CCSER1: variants seen among roughly 807,000 people sequenced by gnomAD.
The protein encoded by CCSER1 is coiled-coil serine rich protein 1.
A neutral mutation model predicts 82.0 loss-of-function variants in CCSER1; 41 were observed. The ratio of observed to expected loss-of-function variants is 0.50; its 90% confidence interval spans 0.39 to 0.65. The LOEUF (loss-of-function observed/expected upper bound fraction) is 0.65. Ranked by LOEUF, CCSER1 falls within the 30% of genes least tolerant of loss-of-function variation. CCSER1 has a pLI of 0.00. For synonymous variants in CCSER1, 414 were observed against 383.9 expected, an observed-to-expected ratio of 1.08 and a Z score of -0.92; for missense variants, 1,119 against 1,064.2, an observed-to-expected ratio of 1.05 and a Z score of -0.72.
intron 8 of CCSER1, among the ~76,000 whole-genome samples, chr4:90,847,936 A>T (rs1459561821): frequency 6.6e-6 from 1 of 152,146 alleles, no homozygotes; most frequent in Non-Finnish European, 1.5e-5. Context: ...TGATATATGT[A>T]AGCATACATA....
At chr4:91,394,108 A>G (rs1751823538) in intron 10 of CCSER1, among the ~76,000 whole-genome samples, 1 of 152,108 alleles carries the variant, frequency 6.6e-6, no homozygotes, top group Non-Finnish European at 1.5e-5. Context: ...TCCTAACCTC[A>G]GAAGCTAGAT....
At chr4:91,165,914 T>C (rs1732005443) in intron 10 of CCSER1, among the ~76,000 whole-genome samples, 1 of 152,230 alleles carries the variant, frequency 6.6e-6, no homozygotes, top group Admixed American at 6.5e-5. Flanking sequence ...TGCCCAGCTT[T>C]GGCTCACCCT....
At chr4:91,227,342 A>G (rs1280002503) in intron 10 of CCSER1, among the ~76,000 whole-genome samples, 4 of 151,912 alleles carry the variant, frequency 2.6e-5, no homozygotes, top group Non-Finnish European at 4.4e-5. Context: ...AAAATAGAGT[A>G]CAAAAATGAC....
chr4:91,438,893 G>C (rs1437236059), intron 10 of CCSER1, among the ~76,000 whole-genome samples: 1 of 152,082 alleles, frequency 6.6e-6, no homozygotes, highest in Non-Finnish European at 1.5e-5. Flanking sequence ...GATGGAAGAT[G>C]AAATGAACGA....
chr4:90,174,814 C>A (rs1452640228), intron 1 of CCSER1, among the ~76,000 whole-genome samples: 9 of 151,934 alleles, frequency 5.9e-5, no homozygotes, highest in Non-Finnish European at 1.3e-4. Flanking sequence ...CCACAAGTGG[C>A]AAACCTATTA....
At chr4:90,672,399 G>A (rs929606626) in intron 6 of CCSER1, among the ~76,000 whole-genome samples, 2 of 151,928 alleles carry the variant, frequency 1.3e-5, no homozygotes, top group African/African-American at 2.4e-5. Context: ...CTAGCTTCCA[G>A]TTTTTCTTCT....
chr4:90,617,177 C>T (rs767731714), intron 5 of CCSER1, among the ~76,000 whole-genome samples: 5 of 151,860 alleles, frequency 3.3e-5, no homozygotes, highest in African/African-American at 9.7e-5. Flanking sequence ...CAACGTAGTA[C>T]GATTATTTGG....
intron 10 of CCSER1, among the ~76,000 whole-genome samples, chr4:91,146,443 G>A (rs559723431): frequency 1.3e-5 from 2 of 152,224 alleles, no homozygotes; most frequent in East Asian, 3.9e-4. Flanking sequence ...TTTCAATCTG[G>A]TTAGGATCCA....
intron 10 of CCSER1, among the ~76,000 whole-genome samples, chr4:91,119,084 G>A (rs1726872158): frequency 6.6e-6 from 1 of 151,422 alleles, no homozygotes; most frequent in Non-Finnish European, 1.5e-5. Flanking sequence ...TATAAAAAGG[G>A]GCAGATGTTC....
intron 10 of CCSER1, among the ~76,000 whole-genome samples, chr4:91,394,419 A>T (rs923601391): frequency 6.6e-6 from 1 of 152,074 alleles, no homozygotes; most frequent in African/African-American, 2.4e-5. Flanking sequence ...AAATAGAACA[A>T]TTTGGCAACT....
At chr4:90,939,738 T>G (rs1731374059) in intron 9 of CCSER1, among the ~76,000 whole-genome samples, 1 of 152,166 alleles carries the variant, frequency 6.6e-6, no homozygotes, top group African/African-American at 2.4e-5. Context: ...GTAACATGTA[T>G]TATGAATCAT....
Position 90,800,293 on chromosome 4 carries a change from A to G in CCSER1, c.2011-15469A>G, listed in dbSNP as rs1561158543. Among the ~76,000 whole-genome samples the G allele has an allele frequency of 2.0e-5, 3 of 152,064 alleles. No homozygotes were observed. The South Asian group carries it at 6.2e-4, about 32-fold the overall frequency. Reference sequence around the variant, plus strand: ...ATCATTATTATTTTTTGTAGAGACGAGGTCTTACCATGTTGCCCAGGCTGG... The same window carrying G: ...ATCATTATTATTTTTTGTAGAGACGGGGTCTTACCATGTTGCCCAGGCTGG... On this transcript the variant is annotated intron_variant, in intron 7 of 10. Coordinates refer to ENST00000509176, the MANE Select transcript of CCSER1 (RefSeq NM_001145065.2).
At chr4:90,397,293 A>G (rs1752095061) in intron 3 of CCSER1, among the ~76,000 whole-genome samples, 1 of 152,210 alleles carries the variant, frequency 6.6e-6, no homozygotes, top group Admixed American at 6.5e-5. Context: ...AATTTTCCAA[A>G]TTTAGTTTGT....
chr4:90,627,729 C>T (rs112907756), intron 5 of CCSER1, among the ~76,000 whole-genome samples: 2,240 of 151,894 alleles, frequency 0.015, 30 homozygotes, highest in Non-Finnish European at 0.021. Context: ...GCCTGTAATC[C>T]CAGCACTTTG....
intron 10 of CCSER1, among the ~76,000 whole-genome samples, chr4:91,129,367 G>A (rs1727804234): frequency 6.6e-6 from 1 of 151,992 alleles, no homozygotes; most frequent in Non-Finnish European, 1.5e-5. Context: ...CCTGATACCT[G>A]AACAAAATCA....
intron 7 of CCSER1, among the ~76,000 whole-genome samples, chr4:90,729,558 T>C (rs1744320087): frequency 6.6e-6 from 1 of 152,132 alleles, no homozygotes; most frequent in South Asian, 2.1e-4. Flanking sequence ...AAAAAATACA[T>C]AATAGTTTCT....
intron 10 of CCSER1, among the ~76,000 whole-genome samples, chr4:91,344,042 G>A (rs1747891653): frequency 6.6e-6 from 1 of 152,166 alleles, no homozygotes; most frequent in East Asian, 1.9e-4. Flanking sequence ...ATGGTTGGAT[G>A]TTTGTGATCC....
At chr4:91,338,806 T>A (rs555302927) in intron 10 of CCSER1, among the ~76,000 whole-genome samples, 1 of 152,244 alleles carries the variant, frequency 6.6e-6, no homozygotes, top group South Asian at 2.1e-4. Flanking sequence ...ACTAGAAAAC[T>A]GGAATCCATA....
At chr4:90,507,103 G>T (rs1484288530) in intron 5 of CCSER1, among the ~76,000 whole-genome samples, 2 of 152,132 alleles carry the variant, frequency 1.3e-5, no homozygotes, top group African/African-American at 4.8e-5. Flanking sequence ...ATGTGGTTTT[G>T]TACACAGAAA....
Sources: gnomAD v4.1 joint callset for allele counts (sites outside exome capture counted in the v4.1 genomes callset) on GRCh38, gnomAD v4.1.1 for gene constraint, MANE v1.5 for transcripts, NCBI Gene and HGNC (gene_info 2026-07-23, HGNC 2026-07-21) for gene names.